Variants in PIEZO1 observed in about 807,000 individuals in gnomAD.
The protein encoded by PIEZO1 is piezo type mechanosensitive ion channel component 1 (Er blood group).
In PIEZO1, 296 loss-of-function variants were observed where a neutral mutation model predicts 297.2. That is an observed-to-expected ratio of 1.00 (90% CI 0.91 to 1.10). The LOEUF (loss-of-function observed/expected upper bound fraction) is 1.10. Ranked by LOEUF, PIEZO1 falls within the 50% of genes least tolerant of loss-of-function variation. The pLI is 0.00. For synonymous variants in PIEZO1, 2,427 were observed against 1,507.5 expected, an observed-to-expected ratio of 1.61 and a Z score of -14.13; for missense variants, 5,018 against 3,455.5, an observed-to-expected ratio of 1.45 and a Z score of -11.34.
chr16:88,717,598 G>C, intron 44 of PIEZO1: 1 of 466,896 alleles, frequency 2.1e-6, no homozygotes. Flanking sequence ...AGAAGAAAAC[G>C]GGCAAATCTT....
chr16:88,736,424 G>A lies in PIEZO1; in HGVS notation c.1297-16C>T, dbSNP rs114153706. On this transcript the variant is annotated splice_polypyrimidine_tract_variant and intron_variant, in intron 11 of 50. Coordinates refer to ENST00000301015, the MANE Select transcript of PIEZO1 (RefSeq NM_001142864.4). ...TGCTCCATACCTGCGCGGCAGAGAGGGCTGCACAGCTGCCCAGCGCACCCC... is the reference window on the plus strand; with the variant it reads ...TGCTCCATACCTGCGCGGCAGAGAGAGCTGCACAGCTGCCCAGCGCACCCC... 107,576 of 1,173,904 alleles carry A rather than the reference G, an allele frequency of 0.092. 12,570 individuals carry two copies. The highest frequency in any genetic ancestry group is 0.18 in the Middle Eastern group (632 of 3,584). The allele number at this position is 1,173,904 out of a possible 1,614,324, so 72.7% of individuals were successfully genotyped here.
chr16:88,737,104 G>A (rs942636295), intron 10 of PIEZO1: 7 of 237,792 alleles, frequency 2.9e-5, no homozygotes, highest in Non-Finnish European at 4.9e-5. Context: ...TTAGGGTAAA[G>A]AAAGAAAGTA....
At chr16:88,769,345 G>C (rs1321165107) in intron 1 of PIEZO1, among the ~76,000 whole-genome samples, 1 of 152,170 alleles carries the variant, frequency 6.6e-6, no homozygotes, top group Non-Finnish European at 1.5e-5. Flanking sequence ...AGGCCACCAC[G>C]CCCAGAGCAT....
In PIEZO1 at chr16:88,738,083, C is replaced by T. The variant is rs562303097; in HGVS notation, c.871G>A (p.Val291Met). ...GGGCTGGAGCAGTTGGTGGGACCCA[C>T]GAAGTCCTTGAGACCCAGCACCCTG... ...WARVLGLKDF[V>M]GPTNCSSPHA... Residue 291 changes from valine (V) to methionine (M), a missense_variant, in exon 8 of 51, where the codon GTG becomes ATG. Physicochemically the swap from Val to Met is conservative, Grantham distance 21. Coordinates refer to ENST00000301015, the MANE Select transcript of PIEZO1 (RefSeq NM_001142864.4). 13 of 1,535,734 alleles carry T rather than the reference C, an allele frequency of 8.5e-6. No individual in the cohort carries two copies. Among genetic ancestry groups the T allele is most frequent in the African/African-American group, 2.7e-5 (2 of 73,048 alleles).
At chr16:88,729,846 C>T (rs540659741) in intron 22 of PIEZO1, among the ~76,000 whole-genome samples, 8 of 151,404 alleles carry the variant, frequency 5.3e-5, no homozygotes, top group Non-Finnish European at 1.0e-4. Context: ...AAGTGACCCT[C>T]GATGCTGGGG....
chr16:88,741,669 T>C, intron 4 of PIEZO1, 53 bp from the exon 5 acceptor site: 1 of 1,459,028 alleles, frequency 6.9e-7, no homozygotes, highest in South Asian at 1.3e-5. Flanking sequence ...GGTGTGGGTG[T>C]GAGTGTGGAT....
rs968967652 is a variant in PIEZO1 at position 88,721,926 on chromosome 16, T to G, written c.5096A>C (p.His1699Pro). 2 of 1,550,034 alleles carry G rather than the reference T, an allele frequency of 1.3e-6. No homozygotes were observed. The highest frequency in any genetic ancestry group is 1.7e-6 in the Non-Finnish European group (2 of 1,146,802). The change falls in exon 37 of 51, where the codon CAC (histidine) becomes CCC (proline). Residue 1699 changes from histidine to proline, a missense_variant. His to Pro is a moderately conservative substitution (Grantham distance 77). Transcript: ENST00000301015. ...CGAGCCGGCGGAGGCCGTGACCATG[T>G]GGTTGAGGATGATGATGAAGTAGCA... is the stretch of plus-strand genomic sequence containing the variant. ...LLCYFIIILN[H>P]MVTASAGSLV...
intron 16 of PIEZO1, 128 bp from the exon 17 acceptor site, chr16:88,734,182 C>A: frequency 1.6e-6 from 2 of 1,269,134 alleles, no homozygotes; most frequent in South Asian, 1.5e-5. Context: ...TGTGTCGCAA[C>A]TCATGCCCAC....
Position 88,736,141 on chromosome 16 carries a change from C to G in PIEZO1, c.1557+7G>C. On this transcript the variant is annotated splice_region_variant and intron_variant, in intron 12 of 50. Transcript: ENST00000301015. ...AGGCACCCCCGGATGTGGTGGTGCA[C>G]ACTCACCATGGCACCAAGGTCCAGA... is the stretch of plus-strand genomic sequence containing the variant. 1 of 1,539,520 alleles carries G rather than the reference C, an allele frequency of 6.5e-7. No individual in the cohort carries two copies. Among genetic ancestry groups the G allele is most frequent in the Non-Finnish European group, 8.8e-7 (1 of 1,140,282 alleles).
At chr16:88,770,951 G>T (rs770838801) in intron 1 of PIEZO1, among the ~76,000 whole-genome samples, 1 of 152,228 alleles carries the variant, frequency 6.6e-6, no homozygotes, top group African/African-American at 2.4e-5. Context: ...GCCGTCACAT[G>T]CCCTGAGCGC....
At position 88,716,639 on chromosome 16, in the gene PIEZO1, G is replaced by A. The variant is rs1435811462; in HGVS notation, c.6846C>T (p.Pro2282=). 3 of 1,549,722 alleles carry A rather than the reference G, an allele frequency of 1.9e-6. No homozygotes were observed. The highest frequency in any genetic ancestry group is 1.7e-6 in the Non-Finnish European group (2 of 1,146,942). Residue 2282 remains proline, a synonymous_variant, in exon 47 of 51, where the codon CCC becomes CCT. Coordinates refer to ENST00000301015, the MANE Select transcript of PIEZO1 (RefSeq NM_001142864.4). ...GSSGALWRIS[P]PSRAQMKREL... ...CCCGCTTCATCTGGGCACGGCTGGG[G>A]GGACTGATGCGCCACAGCGCCCCGG... is the stretch of plus-strand genomic sequence containing the variant.
chr16:88,721,128 C>T (rs1912405802), intron 39 of PIEZO1, 38 bp downstream of exon 39: 6 of 1,454,012 alleles, frequency 4.1e-6, no homozygotes, highest in South Asian at 1.4e-5. Context: ...ACTCAGAAAA[C>T]TGGGTAGGCA....
intron 22 of PIEZO1, chr16:88,731,363 C>G (rs933984181): frequency 3.8e-5 from 11 of 290,608 alleles, no homozygotes; most frequent in African/African-American, 2.2e-4. Context: ...CTCGAGGCAG[C>G]ACTTGGGTGT....
chr16:88,741,831 G>T (rs1356526640), intron 4 of PIEZO1: 2 of 212,100 alleles, frequency 9.4e-6, no homozygotes, highest in African/African-American at 7.2e-5. Context: ...AGTGTGGATG[G>T]GTCTCCAGGT....
rs536364976 is a variant in PIEZO1 at position 88,733,511 on chromosome 16, T to TG, written c.2488-58dup. 1,667 of 1,531,880 alleles carry TG rather than the reference T, an allele frequency of 1.1e-3. 16 individuals carry two copies. The African/African-American group carries it at 0.02, about 19-fold the overall frequency. The allele number at this position is 1,531,880 out of a possible 1,614,324, so 94.9% of individuals were successfully genotyped here. On this transcript the variant is annotated intron_variant, in intron 18 of 50. Transcript: ENST00000301015. The stretch of plus-strand genomic sequence containing the variant: ...GGGGAGGGCAGTGGGCACGTGGGGC[T>TG]GGGCTTGGGGAGGCCAGCTGGGCAG...
intron 1 of PIEZO1, among the ~76,000 whole-genome samples, chr16:88,767,907 G>A (rs940421785): frequency 2.0e-5 from 3 of 152,118 alleles, no homozygotes; most frequent in Non-Finnish European, 4.4e-5. Flanking sequence ...CCAAGCCCTC[G>A]CAGACTTCCC....
At chr16:88,769,573 G>A (rs556145522) in intron 1 of PIEZO1, among the ~76,000 whole-genome samples, 17 of 152,294 alleles carry the variant, frequency 1.1e-4, no homozygotes, top group African/African-American at 3.6e-4. Flanking sequence ...GCACATGACC[G>A]GAGCCCCCAC....
At position 88,733,418 on chromosome 16, in the gene PIEZO1, C is replaced by A; in HGVS notation, c.2524G>T (p.Ala842Ser). The A allele has an allele frequency of 6.5e-7, 1 of 1,549,736 alleles. No individual in the cohort carries two copies. The highest frequency in any genetic ancestry group is 8.7e-7 in the Non-Finnish European group (1 of 1,146,576). ...AAGCGTGGGTAGGGCAGGGCGAAGG[C>A]CCACAGCACCACCAGCAGCAGGTTC... is the stretch of plus-strand genomic sequence containing the variant. ...VMNLLLVVLW[A>S]FALPYPRFRP... The change falls in exon 19 of 51, where the codon GCC (alanine) becomes TCC (serine). Residue 842 changes from alanine (A) to serine (S), a missense_variant. Coordinates refer to ENST00000301015, the MANE Select transcript of PIEZO1 (RefSeq NM_001142864.4).
chr16:88,769,136 G>C (rs1321228087), intron 1 of PIEZO1, among the ~76,000 whole-genome samples: 2 of 152,214 alleles, frequency 1.3e-5, no homozygotes, highest in African/African-American at 4.8e-5. Context: ...CGCATAATGA[G>C]GTATCTTGGG....
Sources: allele counts gnomAD v4.1 joint callset (sites outside exome capture counted in the v4.1 genomes callset), GRCh38; gene constraint gnomAD v4.1.1; transcripts MANE v1.5; gene names NCBI Gene and HGNC (gene_info 2026-07-23, HGNC 2026-07-21).